PRKCZ: variants seen among roughly 807,000 people sequenced by gnomAD.
PRKCZ encodes protein kinase C zeta type.
Under a neutral mutation model 79.5 loss-of-function variants are expected in PRKCZ, and 33 were observed. The ratio of observed to expected loss-of-function variants is 0.41; its 90% CI spans 0.31 to 0.55. The LOEUF (loss-of-function observed/expected upper bound fraction) is 0.55, where lower values mean the gene tolerates loss of function less well. Among genes scored for constraint, PRKCZ ranks in the 20% least tolerant of loss-of-function variants. The pLI is 0.19. For synonymous variants in PRKCZ, 342 were observed against 320.9 expected, an observed-to-expected ratio of 1.07 and a Z score of -0.70; for missense variants, 578 against 813.5, an observed-to-expected ratio of 0.71 and a Z score of 3.52.
At chr1:2,108,848 T>C (rs1292841411) in intron 4 of PRKCZ, among the ~76,000 whole-genome samples, 2 of 152,132 alleles carry the variant, frequency 1.3e-5, no homozygotes, top group Non-Finnish European at 1.5e-5. Context: ...GTCTGGAGGG[T>C]GCGAGTGCAG....
chr1:2,159,608 T>C (rs1307448096), intron 10 of PRKCZ, among the ~76,000 whole-genome samples: 1 of 152,232 alleles, frequency 6.6e-6, no homozygotes, highest in Non-Finnish European at 1.5e-5. Context: ...ACCCCAAATC[T>C]GGTCTTGCCT....
chr1:2,138,725 A>C (rs901574002), intron 5 of PRKCZ, among the ~76,000 whole-genome samples: 6 of 152,126 alleles, frequency 3.9e-5, no homozygotes, highest in Non-Finnish European at 8.8e-5. Context: ...GCTTGAGGCC[A>C]GGAGTTCAAG....
chr1:2,159,206 C>T (rs567593989), intron 10 of PRKCZ, among the ~76,000 whole-genome samples: 10 of 152,382 alleles, frequency 6.6e-5, no homozygotes, highest in African/African-American at 1.9e-4. Flanking sequence ...TCTTACTGAC[C>T]ACACAGCACC....
chr1:2,059,531 T>C lies in PRKCZ; in HGVS notation c.284-10T>C, dbSNP rs767480083. 2 of 1,614,020 alleles carry C rather than the reference T, an allele frequency of 1.2e-6. No homozygotes were observed. The highest frequency in any genetic ancestry group is 1.3e-5 in the African/African-American group (1 of 74,940). ...GGTCTTGACGCTGTCTCTTTCTCTC[T>C]CTTGTCCAGTTTTCCCGAGCACCCC... is the stretch of plus-strand genomic sequence containing the variant. On this transcript the variant is annotated splice_polypyrimidine_tract_variant and intron_variant, in intron 3 of 17. Transcript: ENST00000378567.
chr1:2,160,490 G>T (rs1320411692), intron 10 of PRKCZ, among the ~76,000 whole-genome samples: 1 of 152,204 alleles, frequency 6.6e-6, no homozygotes. Context: ...AAGGACGAGG[G>T]CAATGGTGTG....
At chr1:2,090,824 C>G (rs1665367648) in intron 4 of PRKCZ, among the ~76,000 whole-genome samples, 1 of 152,216 alleles carries the variant, frequency 6.6e-6, no homozygotes, top group Non-Finnish European at 1.5e-5. Context: ...ATTTGGTTTA[C>G]TTATTTTCAG....
intron 4 of PRKCZ, among the ~76,000 whole-genome samples, chr1:2,120,196 A>G (rs531917646): frequency 6.6e-6 from 1 of 151,788 alleles, no homozygotes; most frequent in South Asian, 2.1e-4. Context: ...AGGACAGAGG[A>G]ATCGAGAATT....
rs537973121 is a variant in PRKCZ, at chr1:2,078,991, C to T, written c.334+19400C>T. On this transcript the variant is annotated intron_variant, in intron 4 of 17. Coordinates refer to ENST00000378567, the MANE Select transcript of PRKCZ (RefSeq NM_002744.6). Reference sequence around the variant, plus strand: ...CTGAGTAGCTGGGACTACAGGCGCCCGCCACCACGCCCAGCTAATTTTTTG... The same window carrying T: ...CTGAGTAGCTGGGACTACAGGCGCCTGCCACCACGCCCAGCTAATTTTTTG... Among the ~76,000 whole-genome samples the T allele has an allele frequency of 1.2e-4, 18 of 152,170 alleles. No individual in the cohort carries two copies. In the South Asian group the frequency reaches 3.3e-3, roughly 28 times the overall value.
intron 10 of PRKCZ, among the ~76,000 whole-genome samples, chr1:2,164,320 G>A (rs1356990024): frequency 7.8e-6 from 1 of 128,564 alleles, no homozygotes; most frequent in Admixed American, 8.1e-5. Flanking sequence ...TTGGGTCCAG[G>A]GTGTTCTGCA....
chr1:2,103,928 T>G (rs1023932263), intron 4 of PRKCZ, among the ~76,000 whole-genome samples: 2 of 152,162 alleles, frequency 1.3e-5, no homozygotes, highest in East Asian at 3.9e-4. Flanking sequence ...CGCCAGCTGT[T>G]CACTTGTAAT....
chr1:2,184,757 G>T, intron 17 of PRKCZ, 59 bp downstream of exon 17: 1 of 1,510,126 alleles, frequency 6.6e-7, no homozygotes. Context: ...ATGGCAGGCC[G>T]GCACCTTGGG....
chr1:2,115,915 C>T (rs372394184), intron 4 of PRKCZ, among the ~76,000 whole-genome samples: 2 of 152,110 alleles, frequency 1.3e-5, no homozygotes, highest in African/African-American at 2.4e-5. Context: ...GTGACAGGCA[C>T]GGTTGATTCA....
chr1:2,056,696 C>A, intron 3 of PRKCZ, 123 bp downstream of exon 3: 7 of 734,064 alleles, frequency 9.5e-6, no homozygotes, highest in Non-Finnish European at 1.5e-5. Flanking sequence ...TTAGGGATGT[C>A]TAATATAATG....
intron 4 of PRKCZ, among the ~76,000 whole-genome samples, chr1:2,070,381 G>A (rs1661467859): frequency 6.6e-6 from 1 of 152,210 alleles, no homozygotes; most frequent in South Asian, 2.1e-4. Context: ...CAGGCAGCTG[G>A]GACCCTCCCG....
In PRKCZ at chr1:2,094,540, C is replaced by T. The variant is rs1321359365; in HGVS notation, c.334+34949C>T. The stretch of plus-strand genomic sequence containing the variant: ...ACCTTGGGCGCTGCCCGTTCTGAGG[C>T]GCCCTCTGTGCCCGGCTCGATGAAC... On this transcript the variant is annotated intron_variant, in intron 4 of 17. Transcript: ENST00000378567. This position sits in a 1 kb window ranked among gnomAD's most constrained non-coding sequence, Gnocchi z 7.3. Among the ~76,000 whole-genome samples the T allele has an allele frequency of 5.0e-4, 67 of 133,836 alleles. No individual in the cohort carries two copies. Among genetic ancestry groups the T allele is most frequent in the Non-Finnish European group, 4.7e-4 (30 of 63,914 alleles). The allele number at this position is 133,836 out of a possible 152,430, so 87.8% of individuals were successfully genotyped here.
chr1:2,150,632 G>A (rs1421543266), intron 8 of PRKCZ, among the ~76,000 whole-genome samples, 158 bp from the exon 9 acceptor site: 4 of 152,216 alleles, frequency 2.6e-5, no homozygotes, highest in African/African-American at 9.7e-5. Context: ...ATGGGAGTTT[G>A]GGGGTGGGAT....
rs1184618964 is a variant in PRKCZ, at chr1:2,121,849, T to C, written c.335-13413T>C. Among the ~76,000 whole-genome samples, 3 of 42,580 alleles carry C rather than the reference T, an allele frequency of 7.0e-5. 1 individual carries two copies. Among genetic ancestry groups the C allele is most frequent in the African/African-American group, 3.0e-4 (2 of 6,622 alleles). The allele number at this position is 42,580 out of a possible 152,430, so 27.9% of individuals were successfully genotyped here. On this transcript the variant is annotated intron_variant, in intron 4 of 17. Transcript: ENST00000378567. ...AGGGTCGTGGTAGTTAGGTTCATGG[T>C]GGTGGTTAGGGTCGTGGTGGTTAGG...
chr1:2,102,397 A>G (rs774767867), intron 4 of PRKCZ, among the ~76,000 whole-genome samples: 9 of 151,534 alleles, frequency 5.9e-5, no homozygotes, highest in South Asian at 4.2e-4. Flanking sequence ...CAGTGGTGCA[A>G]TCTTGGCTCA....
intron 4 of PRKCZ, among the ~76,000 whole-genome samples, chr1:2,084,187 C>T (rs1487149334): frequency 2.0e-5 from 3 of 152,192 alleles, no homozygotes. Context: ...TTGCGGTGAG[C>T]CAAGATTGCA....
Sources: gnomAD v4.1 joint callset for allele counts (sites outside exome capture counted in the v4.1 genomes callset) on GRCh38, gnomAD v4.1.1 for gene constraint, Gnocchi (gnomAD v3.1) non-coding constraint, MANE v1.5 for transcripts, NCBI Gene and HGNC (gene_info 2026-07-23, HGNC 2026-07-21) for gene names.